Variants in CDC42BPA observed in about 807,000 individuals in gnomAD.
CDC42BPA encodes the protein serine/threonine-protein kinase MRCK alpha.
Under a neutral mutation model 223.5 loss-of-function variants are expected in CDC42BPA, and 80 were observed. That is an observed-to-expected ratio of 0.36 (90% CI 0.30 to 0.43). The LOEUF (loss-of-function observed/expected upper bound fraction) is 0.43. Among genes scored for constraint, CDC42BPA ranks in the 20% least tolerant of loss-of-function variants. CDC42BPA has a pLI of 1.00. For synonymous variants in CDC42BPA, 694 were observed against 718.6 expected (o/e 0.97, Z 0.55); for missense variants, 1,743 against 2,099.9 (o/e 0.83, Z 3.32).
rs1298544614 is a variant in CDC42BPA, at chr1:227,126,504, GAAGGAAGGAAGGAAGGTAAGA to G, written c.1513+2584_1513+2604del. On this transcript the variant is annotated intron_variant, in intron 11 of 36. Transcript: ENST00000366766. ...GGAAGGAAGGAAGGAAGGAAGGAAG[GAAGGAAGGAAGGAAGGTAAGA>G]AAGGAAAAAGAAGAAAAAAAAGGAA... Among the ~76,000 whole-genome samples, 724 of 116,292 alleles carry G rather than the reference GAAGGAAGGAAGGAAGGTAAGA, an allele frequency of 6.2e-3. 8 individuals carry two copies. Among genetic ancestry groups the G allele is most frequent in the African/African-American group, 0.02 (622 of 31,520 alleles). 76.3% of individuals were successfully genotyped at this position (116,292 alleles called of 152,430 possible).
At chr1:227,161,152 T>C (rs920893327) in intron 5 of CDC42BPA, among the ~76,000 whole-genome samples, 1 of 152,218 alleles carries the variant, frequency 6.6e-6, no homozygotes, top group Non-Finnish European at 1.5e-5. Context: ...TAATAGACTG[T>C]CTATATTATT....
At chr1:227,276,826 G>A (rs1287670366) in intron 1 of CDC42BPA, among the ~76,000 whole-genome samples, 9 of 152,074 alleles carry the variant, frequency 5.9e-5, no homozygotes, top group Non-Finnish European at 1.3e-4. Context: ...AGGGTTAAAC[G>A]GATTAAGGGT....
chr1:227,214,365 A>G (rs1174118662), intron 2 of CDC42BPA, among the ~76,000 whole-genome samples: 3 of 152,202 alleles, frequency 2.0e-5, no homozygotes, highest in Admixed American at 6.5e-5. Flanking sequence ...AGTGGTTATA[A>G]TGACTGTGAT....
At chr1:227,063,514 TTATTA>T (rs996496595) in intron 21 of CDC42BPA, among the ~76,000 whole-genome samples, 2 of 151,996 alleles carry the variant, frequency 1.3e-5, no homozygotes, top group African/African-American at 4.8e-5. Context: ...TCTAAATATA[TTATTA>T]TATTATATAT....
intron 1 of CDC42BPA, among the ~76,000 whole-genome samples, chr1:227,260,933 GCT>G (rs1683926629): frequency 6.6e-6 from 1 of 150,820 alleles, no homozygotes; most frequent in Non-Finnish European, 1.5e-5. Context: ...ATTATGCCAG[GCT>G]CTGTGTCTAA....
intron 1 of CDC42BPA, among the ~76,000 whole-genome samples, chr1:227,277,967 T>C (rs1193825184): frequency 6.6e-6 from 1 of 152,202 alleles, no homozygotes; most frequent in African/African-American, 2.4e-5. Flanking sequence ...GCCAGGATGG[T>C]CTCAATCTCC....
chr1:227,073,842 G>T lies in CDC42BPA; in HGVS notation c.2735+22C>A, dbSNP rs79572708. ...GACAAACTTAGAAATTATTCTAGTG[G>T]GACTATATGATTCAATCTTACCATT... On this transcript the variant is annotated intron_variant, in intron 19 of 36. Coordinates refer to ENST00000366766, the MANE Select transcript of CDC42BPA (RefSeq NM_001394014.1). The T allele has an allele frequency of 4.5e-5, 67 of 1,498,408 alleles. No homozygotes were observed. The East Asian group carries it at 1.6e-3, about 35-fold the overall frequency. 92.8% of individuals were successfully genotyped at this position (1,498,408 alleles called of 1,614,324 possible).
At chr1:227,057,515 CACTGAGGTTCT>C (rs148489007) in intron 21 of CDC42BPA, among the ~76,000 whole-genome samples, 19,612 of 152,054 alleles carry the variant, frequency 0.13, 1,334 homozygotes, top group East Asian at 0.26. Context: ...TCCCAGGGAA[CACTGAGGTTCT>C]ACACTATACC....
chr1:227,147,712 T>C (rs758947525), intron 6 of CDC42BPA, among the ~76,000 whole-genome samples, 153 bp from the exon 7 acceptor site: 9 of 152,194 alleles, frequency 5.9e-5, no homozygotes, highest in African/African-American at 9.6e-5. Flanking sequence ...TGTTAAATTG[T>C]ATATTATCCC....
At chr1:227,054,924 C>G (rs979488125) in intron 21 of CDC42BPA, among the ~76,000 whole-genome samples, 7 of 151,600 alleles carry the variant, frequency 4.6e-5, no homozygotes, top group Admixed American at 4.6e-4. Flanking sequence ...TAAACAAAAT[C>G]AAGTAATTTT....
At chr1:227,222,978 A>G (rs1323651104) in intron 2 of CDC42BPA, among the ~76,000 whole-genome samples, 1 of 152,148 alleles carries the variant, frequency 6.6e-6, no homozygotes, top group East Asian at 1.9e-4. Flanking sequence ...AAACACACCT[A>G]AACAGTAGTA....
At chr1:227,026,610 T>C (rs186246046) in intron 30 of CDC42BPA, among the ~76,000 whole-genome samples, 3 of 152,304 alleles carry the variant, frequency 2.0e-5, no homozygotes, top group Admixed American at 6.5e-5. Flanking sequence ...TATACACTTG[T>C]TGAAAGAATG....
intron 1 of CDC42BPA, among the ~76,000 whole-genome samples, chr1:227,280,334 A>G (rs1212228801): frequency 1.3e-5 from 2 of 152,208 alleles, no homozygotes; most frequent in African/African-American, 4.8e-5. Context: ...AGAGCAACAC[A>G]TTCTCAAACA....
At chr1:227,081,403 CAAT>C (rs1047740680) in intron 16 of CDC42BPA, among the ~76,000 whole-genome samples, 61 of 151,412 alleles carry the variant, frequency 4.0e-4, no homozygotes, top group African/African-American at 1.5e-3. Flanking sequence ...CTAATTTCAA[CAAT>C]GATTACTTCA....
chr1:227,248,826 G>A (rs1681460948), intron 2 of CDC42BPA, among the ~76,000 whole-genome samples: 1 of 152,120 alleles, frequency 6.6e-6, no homozygotes, highest in Non-Finnish European at 1.5e-5. Flanking sequence ...ACATGGGTTA[G>A]AAGAATCAAT....
intron 19 of CDC42BPA, among the ~76,000 whole-genome samples, chr1:227,073,279 T>C (rs1222819643): frequency 6.6e-6 from 1 of 152,192 alleles, no homozygotes; most frequent in African/African-American, 2.4e-5. Flanking sequence ...GAATCATTTA[T>C]GTATTCAGAG....
At chr1:227,086,676 T>G (rs1001450457) in intron 16 of CDC42BPA, among the ~76,000 whole-genome samples, 5 of 147,366 alleles carry the variant, frequency 3.4e-5, no homozygotes, top group African/African-American at 1.3e-4. Flanking sequence ...TTTTAAGAGG[T>G]TTTTTTTTCC....
intron 4 of CDC42BPA, among the ~76,000 whole-genome samples, chr1:227,198,898 C>A (rs1400523937): frequency 6.6e-6 from 1 of 152,054 alleles, no homozygotes; most frequent in Non-Finnish European, 1.5e-5. Context: ...CAGGTGCCCA[C>A]CACCACGCCC....
intron 17 of CDC42BPA, 27 bp downstream of exon 17, chr1:227,080,866 C>T: frequency 1.2e-6 from 2 of 1,612,106 alleles, no homozygotes; most frequent in East Asian, 2.2e-5. Context: ...CAATCATCCA[C>T]AAAAAAACGT....
Sources: gnomAD v4.1 joint callset for allele counts (sites outside exome capture counted in the v4.1 genomes callset) on GRCh38, gnomAD v4.1.1 for gene constraint, MANE v1.5 for transcripts, NCBI Gene and HGNC (gene_info 2026-07-23, HGNC 2026-07-21) for gene names.